The following USP30 variants were observed in gnomAD, a reference collection of about 807,000 sequenced individuals.
The protein encoded by USP30 is ubiquitin carboxyl-terminal hydrolase 30.
USP30 carries 41 observed loss-of-function variants against 68.2 expected under a neutral mutation model. The observed-to-expected ratio is 0.60, with a 90% CI of 0.47 to 0.78. The LOEUF is 0.78. Ranked by LOEUF, USP30 falls within the 30% of genes least tolerant of loss-of-function variation. The probability of loss-of-function intolerance (pLI) is 0.00; values close to 1 mark genes in which losing one functional copy is unlikely to be tolerated. For missense variants in USP30, 522 were observed against 649.4 expected (o/e 0.80, Z 2.13); for synonymous variants, 229 against 253.7 (o/e 0.90, Z 0.93).
At position 109,038,169 on chromosome 12, in the gene USP30, C is replaced by T. The variant is rs574850813; in HGVS notation, c.-135-9421C>T. Reference sequence around the variant, plus strand: ...GTTATTTCTGATGCTCTCCCTCCCCCGACCCCTCCAAAGGCCCCAGTGTAT... The same window carrying T: ...GTTATTTCTGATGCTCTCCCTCCCCTGACCCCTCCAAAGGCCCCAGTGTAT... On this transcript the variant is annotated intron_variant, in intron 3 of 15. Coordinates refer to the USP30 transcript ENST00000392784. Among the ~76,000 whole-genome samples the T allele has an allele frequency of 6.8e-5, 10 of 146,734 alleles. 1 individual carries two copies. In the East Asian group the frequency reaches 1.4e-3, roughly 21 times the overall value.
intron 4 of USP30, among the ~76,000 whole-genome samples, chr12:109,069,065 T>C (rs2041348983): frequency 6.6e-6 from 1 of 152,216 alleles, no homozygotes; most frequent in South Asian, 2.1e-4. Flanking sequence ...ATTTTACAGA[T>C]GGAAAAACAC....
intron 3 of USP30, among the ~76,000 whole-genome samples, chr12:109,035,346 ATTTAT>A (rs201681439): frequency 2.0e-5 from 3 of 150,686 alleles, no homozygotes; most frequent in African/African-American, 2.4e-5. Context: ...CAATTTGTTT[ATTTAT>A]TTTATTTTAT....
intron 3 of USP30, among the ~76,000 whole-genome samples, chr12:109,030,774 C>T (rs758577722): frequency 5.9e-5 from 9 of 152,200 alleles, no homozygotes; most frequent in Non-Finnish European, 1.2e-4. Context: ...TGCCACCACG[C>T]CTGGCCAATT....
chr12:109,052,839 G>T, intron 1 of USP30, 78 bp downstream of exon 1: 6 of 1,346,662 alleles, frequency 4.5e-6, no homozygotes, highest in Non-Finnish European at 5.8e-6. Flanking sequence ...GCTTTTTCAT[G>T]CCCTAGTTGG....
At chr12:109,076,755 G>A (rs1309651105) in intron 7 of USP30, among the ~76,000 whole-genome samples, 10 of 126,204 alleles carry the variant, frequency 7.9e-5, no homozygotes, top group Non-Finnish European at 1.4e-4. Context: ...TTTTTGAGAC[G>A]GAGTCTTGCT....
At chr12:109,032,582 A>T (rs1045543543) in intron 3 of USP30, among the ~76,000 whole-genome samples, 1 of 152,236 alleles carries the variant, frequency 6.6e-6, no homozygotes, top group African/African-American at 2.4e-5. Flanking sequence ...TTTCATTTAC[A>T]TGCAACATCC....
rs2135845801 is a variant in USP30, at chr12:109,086,272, C to A, written c.*341C>A. 1 of 207,302 alleles carries A rather than the reference C, an allele frequency of 4.8e-6. No individual in the cohort carries two copies. Among genetic ancestry groups the A allele is most frequent in the Non-Finnish European group, 9.6e-6 (1 of 103,978 alleles). The allele number at this position is 207,302 out of a possible 1,614,324, so 12.8% of individuals were successfully genotyped here. A position where few individuals can be genotyped will look rare whatever the true frequency, so the allele number is the denominator to read the frequency against. On this transcript the variant is annotated 3_prime_UTR_variant, in exon 13 of 13. Coordinates refer to ENST00000257548, the MANE Select transcript of USP30 (RefSeq NM_032663.5). The stretch of plus-strand genomic sequence containing the variant: ...TTAGGTGTTCTCAGAGGGGAGGTAC[C>A]TTTGTCTAATCAACGTTTCCACTTA...
intron 5 of USP30, 73 bp downstream of exon 5, chr12:109,071,783 A>T: frequency 7.4e-7 from 1 of 1,353,594 alleles, no homozygotes; most frequent in South Asian, 1.3e-5. Context: ...AGGCAAGTGT[A>T]ATCTTTGTAC....
intron 1 of USP30, among the ~76,000 whole-genome samples, chr12:109,055,392 ATATATATATTT>A (rs1314766314): frequency 2.0e-5 from 1 of 50,598 alleles, no homozygotes; most frequent in Non-Finnish European, 3.7e-5. Flanking sequence ...ATATATATAT[ATATATATATTT>A]TTTTTTTTTT....
At chr12:109,026,146 G>T (rs1040601140) in intron 2 of USP30, among the ~76,000 whole-genome samples, 3 of 152,038 alleles carry the variant, frequency 2.0e-5, no homozygotes, top group African/African-American at 7.2e-5. Flanking sequence ...TGCAATCTCA[G>T]CTAACTGCTA....
chr12:109,063,790 CA>C (rs1194320157), intron 3 of USP30, among the ~76,000 whole-genome samples: 1 of 151,790 alleles, frequency 6.6e-6, no homozygotes, highest in Non-Finnish European at 1.5e-5. Flanking sequence ...TTATATTGAG[CA>C]TCTTTTCATT....
chr12:109,064,894 G>A (rs536625756), intron 3 of USP30, among the ~76,000 whole-genome samples: 2 of 152,228 alleles, frequency 1.3e-5, no homozygotes, highest in Admixed American at 1.3e-4. Context: ...TAACAGAAGG[G>A]CTGCCCGAGG....
chr12:109,077,248 T>C (rs1295844984), intron 7 of USP30, among the ~76,000 whole-genome samples: 1 of 152,248 alleles, frequency 6.6e-6, no homozygotes, highest in Non-Finnish European at 1.5e-5. Context: ...CCTCATAAAA[T>C]AGGCTGGAAA....
intron 4 of USP30, among the ~76,000 whole-genome samples, chr12:109,069,458 G>C (rs1030787065): frequency 6.6e-6 from 1 of 152,228 alleles, no homozygotes; most frequent in African/African-American, 2.4e-5. Context: ...TCAGGGGCTA[G>C]AGCCTTGCCT....
chr12:109,072,364 A>T lies in USP30; in HGVS notation c.625+14A>T. On this transcript the variant is annotated intron_variant, in intron 6 of 12. Coordinates refer to ENST00000257548, the MANE Select transcript of USP30 (RefSeq NM_032663.5). ...GCCGCACAAGAGGTAGCTGTTTTCC[A>T]TTGAAATATAACACATAAGATGTGG... The T allele has an allele frequency of 1.2e-6, 2 of 1,611,002 alleles. No individual in the cohort carries two copies. Among genetic ancestry groups the T allele is most frequent in the Non-Finnish European group, 8.5e-7 (1 of 1,177,312 alleles).
At chr12:109,052,123 G>A (rs1016194061), upstream of USP30, among the ~76,000 whole-genome samples, 1 of 152,198 alleles carries the variant, frequency 6.6e-6, no homozygotes, top group Non-Finnish European at 1.5e-5. Context: ...AACATACTTA[G>A]CTCTATACCT....
rs951186888 is a variant in USP30, at chr12:109,082,473, CT to C, written c.868-189del. The C allele has an allele frequency of 1.5e-4, 90 of 598,386 alleles. 1 individual carries two copies. The highest frequency in any genetic ancestry group is 1.5e-4 in the Admixed American group (5 of 33,326). 37.1% of individuals were successfully genotyped at this position (598,386 alleles called of 1,614,324 possible). The stretch of plus-strand genomic sequence containing the variant: ...CGCTCTTCACATTCTCTTCCCTCCA[CT>C]GTTTCTGTTATTTAATGACTAAGAG... On this transcript the variant is annotated intron_variant, in intron 9 of 12. Transcript: ENST00000257548.
intron 3 of USP30, among the ~76,000 whole-genome samples, chr12:109,045,044 C>G (rs1337683168): frequency 1.6e-5 from 2 of 128,662 alleles, no homozygotes; most frequent in East Asian, 5.0e-4. Flanking sequence ...GTGGCGCAAT[C>G]TCTGCTCACT....
chr12:109,045,226 G>T (rs10850309), intron 3 of USP30, among the ~76,000 whole-genome samples: 1 of 151,924 alleles, frequency 6.6e-6, no homozygotes, highest in African/African-American at 2.4e-5. Context: ...TGATCCACCC[G>T]CCTCGGCCTC....
Sources: allele counts gnomAD v4.1 joint callset (sites outside exome capture counted in the v4.1 genomes callset), GRCh38; gene constraint gnomAD v4.1.1; transcripts MANE v1.5; gene names NCBI Gene and HGNC (gene_info 2026-07-23, HGNC 2026-07-21).